The following FSTL4 variants were observed in gnomAD, a reference collection of about 807,000 sequenced individuals.
The protein encoded by FSTL4 is follistatin-related protein 4.
In FSTL4, 28 loss-of-function variants were observed where a neutral mutation model predicts 78.2. The observed-to-expected ratio is 0.36, with a 90% CI of 0.27 to 0.49. The LOEUF (loss-of-function observed/expected upper bound fraction) is 0.49, where lower values mean the gene tolerates loss of function less well. Ranked by LOEUF, FSTL4 falls within the 20% of genes least tolerant of loss-of-function variation. The pLI is 0.98. For missense variants in FSTL4, 922 were observed against 1,084.9 expected (o/e 0.85, Z 2.11); for synonymous variants, 422 against 440.5 (o/e 0.96, Z 0.53).
At chr5:133,290,175 G>C (rs1345060502) in intron 6 of FSTL4, among the ~76,000 whole-genome samples, 1 of 152,228 alleles carries the variant, frequency 6.6e-6, no homozygotes, top group African/African-American at 2.4e-5. Context: ...ACTGTGTCTT[G>C]CCATCCAGGA....
intron 8 of FSTL4, among the ~76,000 whole-genome samples, chr5:133,232,503 G>T (rs1751521582): frequency 6.6e-6 from 1 of 152,182 alleles, no homozygotes; most frequent in African/African-American, 2.4e-5. Flanking sequence ...GCTAAATTTG[G>T]CTTGAGTTAC....
At chr5:133,710,594 C>T in the FSTL4 span, among the ~76,000 whole-genome samples, 1 of 152,234 alleles carries the variant, frequency 6.6e-6, no homozygotes, top group African/African-American at 2.4e-5. Flanking sequence ...ATGGAGGCCA[C>T]ATCTCCTTTC....
chr5:133,530,406 AG>A (rs1759227208), intron 3 of FSTL4, among the ~76,000 whole-genome samples: 1 of 152,234 alleles, frequency 6.6e-6, no homozygotes. Flanking sequence ...CTGCCTGCTC[AG>A]GGACATTCAC....
At chr5:133,478,986 G>A (rs1482724988) in intron 3 of FSTL4, among the ~76,000 whole-genome samples, 3 of 152,198 alleles carry the variant, frequency 2.0e-5, no homozygotes, top group Admixed American at 1.3e-4. Flanking sequence ...TCCATGTAAA[G>A]TGAAATGTAT....
intron 8 of FSTL4, among the ~76,000 whole-genome samples, chr5:133,232,118 C>A (rs1467886988): frequency 4.6e-5 from 7 of 152,104 alleles, no homozygotes; most frequent in African/African-American, 4.8e-5. Context: ...TTTCTTTTTC[C>A]TTCCTATGAA....
intron 3 of FSTL4, among the ~76,000 whole-genome samples, chr5:133,540,236 A>AACAC (rs1164159308): frequency 7.2e-6 from 1 of 138,482 alleles, no homozygotes; most frequent in African/African-American, 2.8e-5. Flanking sequence ...CACATTTTTA[A>AACAC]ACACACACAT....
intron 3 of FSTL4, among the ~76,000 whole-genome samples, chr5:133,449,375 C>T (rs1757334894): frequency 6.6e-6 from 1 of 152,214 alleles, no homozygotes; most frequent in East Asian, 1.9e-4. Flanking sequence ...ACACAGAACC[C>T]TTTGGGGTTG....
intron 4 of FSTL4, among the ~76,000 whole-genome samples, chr5:133,333,769 C>T (rs1445072998): frequency 3.9e-5 from 6 of 152,240 alleles, no homozygotes; most frequent in Admixed American, 2.0e-4. Context: ...ACCTGCACTG[C>T]GCAGGGCCTC....
chr5:133,228,773 T>TA (rs1751405930), intron 8 of FSTL4, among the ~76,000 whole-genome samples: 1 of 151,568 alleles, frequency 6.6e-6, no homozygotes, highest in Non-Finnish European at 1.5e-5. Flanking sequence ...AATATCTCTA[T>TA]AAAAAGAAGA....
the FSTL4 span, among the ~76,000 whole-genome samples, chr5:133,732,616 G>A: frequency 5.3e-5 from 8 of 151,992 alleles, no homozygotes; most frequent in South Asian, 6.2e-4. Context: ...GCCTCCTCCC[G>A]GCCTCCCCTT....
At chr5:133,222,990 G>A (rs1244134750) in intron 11 of FSTL4, among the ~76,000 whole-genome samples, 1 of 152,206 alleles carries the variant, frequency 6.6e-6, no homozygotes, top group Non-Finnish European at 1.5e-5. Flanking sequence ...ATGCCCCAAG[G>A]CGGCTGTGGG....
At chr5:133,479,064 A>G (rs905462873) in intron 3 of FSTL4, among the ~76,000 whole-genome samples, 1 of 152,240 alleles carries the variant, frequency 6.6e-6, no homozygotes, top group Admixed American at 6.5e-5. Context: ...GTTTAACTAA[A>G]ATTAAAAAGC....
intron 3 of FSTL4, among the ~76,000 whole-genome samples, chr5:133,526,162 CATACTAA>C (rs762236328): frequency 5.3e-5 from 8 of 152,154 alleles, no homozygotes; most frequent in Non-Finnish European, 4.4e-5. Flanking sequence ...AGTTATTGGA[CATACTAA>C]ATGCCATGAT....
At chr5:133,340,386 G>A (rs1580632062) in intron 4 of FSTL4, among the ~76,000 whole-genome samples, 1 of 152,146 alleles carries the variant, frequency 6.6e-6, no homozygotes, top group African/African-American at 2.4e-5. Context: ...ACCTCCAGGG[G>A]TTTGATCCCA....
At chr5:133,372,191 G>T (rs1278084366) in intron 4 of FSTL4, among the ~76,000 whole-genome samples, 1 of 148,304 alleles carries the variant, frequency 6.7e-6, no homozygotes, top group African/African-American at 2.4e-5. Flanking sequence ...TTCATGCTGA[G>T]ATTTGAGGAC....
At chr5:133,634,454 T>A in the FSTL4 span, among the ~76,000 whole-genome samples, 6 of 152,028 alleles carry the variant, frequency 3.9e-5, no homozygotes, top group African/African-American at 7.3e-5. Context: ...GCTCCAAGTC[T>A]GGAACATATG....
the FSTL4 span, among the ~76,000 whole-genome samples, chr5:133,764,330 T>C: frequency 6.6e-6 from 1 of 152,074 alleles, no homozygotes; most frequent in African/African-American, 2.4e-5. Context: ...GTGTGGCCAT[T>C]TTCTTCTTTC....
At chr5:133,797,830 A>G in the FSTL4 span, among the ~76,000 whole-genome samples, 5 of 152,038 alleles carry the variant, frequency 3.3e-5, no homozygotes, top group African/African-American at 1.2e-4. Flanking sequence ...TTGCTCCCCA[A>G]ACATGTCCTG....
chr5:133,622,757 G>A, the FSTL4 span, among the ~76,000 whole-genome samples: 290 of 152,178 alleles, frequency 1.9e-3, 2 homozygotes, highest in African/African-American at 6.1e-3. Flanking sequence ...GCATTGTTTG[G>A]TTCTTTTACT....
Sources: gnomAD v4.1 joint callset for allele counts (sites outside exome capture counted in the v4.1 genomes callset) on GRCh38, gnomAD v4.1.1 for gene constraint, MANE v1.5 for transcripts, NCBI Gene and HGNC (gene_info 2026-07-23, HGNC 2026-07-21) for gene names.